FAT3: variants seen among roughly 807,000 people sequenced by gnomAD.
FAT3 encodes the protein protocadherin Fat 3.
Under a neutral mutation model 310.2 loss-of-function variants are expected in FAT3, and 95 were observed. The ratio of observed to expected loss-of-function variants is 0.31; its 90% CI spans 0.26 to 0.36. FAT3 has a LOEUF of 0.36. Ranked by LOEUF, FAT3 falls within the 10% of genes least tolerant of loss-of-function variation. The pLI is 1.00. For synonymous variants in FAT3, 2,314 were observed against 2,192.9 expected, an observed-to-expected ratio of 1.06 and a Z score of -1.54; for missense variants, 5,408 against 5,715.6, an observed-to-expected ratio of 0.95 and a Z score of 1.74.
chr11:92,452,289 A>G (rs1480934434), intron 2 of FAT3, among the ~76,000 whole-genome samples: 1 of 152,186 alleles, frequency 6.6e-6, no homozygotes, highest in Non-Finnish European at 1.5e-5. Flanking sequence ...GTCAAAAAGT[A>G]TGCAAGTGAT....
At chr11:92,246,855 G>A (rs1565176995) in intron 1 of FAT3, among the ~76,000 whole-genome samples, 1 of 152,108 alleles carries the variant, frequency 6.6e-6, no homozygotes, top group Non-Finnish European at 1.5e-5. Flanking sequence ...ACTGAGAGTT[G>A]CAGGTTGTCA....
chr11:92,384,112 A>G (rs1949565046), intron 2 of FAT3, among the ~76,000 whole-genome samples: 1 of 152,172 alleles, frequency 6.6e-6, no homozygotes, highest in African/African-American at 2.4e-5. Flanking sequence ...TAAGTCATTA[A>G]TACTAGCCTC....
At chr11:92,456,211 T>C (rs910877413) in intron 2 of FAT3, among the ~76,000 whole-genome samples, 1 of 152,196 alleles carries the variant, frequency 6.6e-6, no homozygotes, top group Non-Finnish European at 1.5e-5. Context: ...TCTCCTAGGA[T>C]TAAATAAGTA....
chr11:92,532,301 C>A (rs1052897366), intron 3 of FAT3, among the ~76,000 whole-genome samples: 1 of 152,198 alleles, frequency 6.6e-6, no homozygotes, highest in African/African-American at 2.4e-5. Flanking sequence ...TACTTCTACA[C>A]AACTGACCAT....
intron 12 of FAT3, 57 bp from the exon 13 acceptor site, chr11:92,809,786 C>T: frequency 1.4e-6 from 2 of 1,402,116 alleles, no homozygotes; most frequent in South Asian, 2.6e-5. Context: ...CTCTGCTCTC[C>T]AAAGAAAGAC....
intron 2 of FAT3, among the ~76,000 whole-genome samples, chr11:92,500,466 T>C (rs534527338): frequency 2.0e-5 from 3 of 152,086 alleles, no homozygotes; most frequent in South Asian, 2.1e-4. Context: ...TAAAAGAAAT[T>C]TGAAGGAGGA....
At chr11:92,370,847 A>G (rs961096854) in intron 2 of FAT3, among the ~76,000 whole-genome samples, 3 of 152,214 alleles carry the variant, frequency 2.0e-5, no homozygotes, top group Non-Finnish European at 4.4e-5. Context: ...AGCATGACTC[A>G]AACATAGATA....
intron 8 of FAT3, 64 bp from the exon 9 acceptor site, chr11:92,792,701 CAT>C: frequency 1.3e-6 from 2 of 1,499,238 alleles, no homozygotes; most frequent in East Asian, 2.3e-5. Flanking sequence ...TCACCCCAAA[CAT>C]AGCCATGTGA....
chr11:92,574,719 C>A (rs1358187017), intron 3 of FAT3, among the ~76,000 whole-genome samples: 1 of 152,164 alleles, frequency 6.6e-6, no homozygotes, highest in Admixed American at 6.5e-5. Flanking sequence ...CTTTGACACT[C>A]ATCTTCATGG....
intron 19 of FAT3, among the ~76,000 whole-genome samples, chr11:92,847,409 G>A (rs1407154388): frequency 1.3e-5 from 2 of 152,142 alleles, no homozygotes; most frequent in African/African-American, 4.8e-5. Flanking sequence ...GTTTGTGTAA[G>A]CGCACTCTAT....
intron 3 of FAT3, among the ~76,000 whole-genome samples, chr11:92,584,698 A>G (rs1295759458): frequency 1.3e-5 from 2 of 152,074 alleles, no homozygotes; most frequent in Non-Finnish European, 2.9e-5. Flanking sequence ...TGGGGAATGC[A>G]TATATTTTAG....
At chr11:92,348,883 G>A (rs1948485814) in intron 1 of FAT3, among the ~76,000 whole-genome samples, 1 of 152,144 alleles carries the variant, frequency 6.6e-6, no homozygotes, top group African/African-American at 2.4e-5. Flanking sequence ...AGGCATCTGG[G>A]CCTCTGGTTA....
chr11:92,860,340 A>T (rs1414134586), intron 21 of FAT3, among the ~76,000 whole-genome samples: 1 of 152,198 alleles, frequency 6.6e-6, no homozygotes, highest in Non-Finnish European at 1.5e-5. Flanking sequence ...CCCACACTCT[A>T]GTCTCTCTCA....
At chr11:92,709,553 G>T (rs566406415) in intron 4 of FAT3, among the ~76,000 whole-genome samples, 2 of 152,146 alleles carry the variant, frequency 1.3e-5, no homozygotes, top group Non-Finnish European at 2.9e-5. Context: ...AGATTACTCC[G>T]CTTTGTACCC....
chr11:92,230,705 C>T (rs1229130792), intron 1 of FAT3, among the ~76,000 whole-genome samples: 2 of 152,124 alleles, frequency 1.3e-5, no homozygotes, highest in African/African-American at 4.8e-5. Flanking sequence ...AAAATATATC[C>T]ATTGCTTCTG....
At chr11:92,841,690 G>C (rs925112232) in intron 18 of FAT3, among the ~76,000 whole-genome samples, 1 of 152,156 alleles carries the variant, frequency 6.6e-6, no homozygotes, top group African/African-American at 2.4e-5. Flanking sequence ...TATCCTCTCC[G>C]GATATGGAGC....
intron 2 of FAT3, among the ~76,000 whole-genome samples, chr11:92,505,448 G>A (rs192666792): frequency 1.3e-5 from 2 of 152,278 alleles, no homozygotes; most frequent in South Asian, 2.1e-4. Flanking sequence ...AGCTGAAGCT[G>A]AAAGTGCCAG....
chr11:92,722,242 A>T (rs1291882400), intron 4 of FAT3, among the ~76,000 whole-genome samples: 5 of 152,180 alleles, frequency 3.3e-5, no homozygotes. Flanking sequence ...GCCATTCCAA[A>T]TGGGAGAAAT....
intron 20 of FAT3, among the ~76,000 whole-genome samples, chr11:92,858,082 AT>A (rs1470955725): frequency 6.6e-6 from 1 of 152,230 alleles, no homozygotes; most frequent in Non-Finnish European, 1.5e-5. Flanking sequence ...TTGGGATCCA[AT>A]AAATAGTTGG....
Sources: gnomAD v4.1 joint callset for allele counts (sites outside exome capture counted in the v4.1 genomes callset) on GRCh38, gnomAD v4.1.1 for gene constraint, MANE v1.5 for transcripts, NCBI Gene and HGNC (gene_info 2026-07-23, HGNC 2026-07-21) for gene names.